The following LAMA2 variants were observed in gnomAD, a reference collection of about 807,000 sequenced individuals.
LAMA2 encodes the protein laminin subunit alpha-2.
A neutral mutation model predicts 364.8 loss-of-function variants in LAMA2; 269 were observed. The observed-to-expected ratio is 0.74, with a 90% CI of 0.67 to 0.82. LAMA2 has a LOEUF of 0.82. LAMA2 is among the 40% of genes least tolerant of loss of function. The probability of loss-of-function intolerance (pLI) is 0.00; values close to 1 mark genes in which losing one functional copy is unlikely to be tolerated. For missense variants in LAMA2, 3,807 were observed against 3,873.2 expected (o/e 0.98, Z 0.45); for synonymous variants, 1,379 against 1,370.6 (o/e 1.01, Z -0.14).
In LAMA2 at chr6:129,347,943, G is replaced by A. The variant is rs886382020; in HGVS notation, c.4437-1355G>A. On this transcript the variant is annotated intron_variant, in intron 30 of 64. Transcript: ENST00000421865. The stretch of plus-strand genomic sequence containing the variant: ...TGACATTTCATTATTTTACTATAAC[G>A]AAATGTAATTTAATCATACTGGCTC... Among the ~76,000 whole-genome samples the A allele has an allele frequency of 2.6e-5, 4 of 152,040 alleles. No individual in the cohort carries two copies. In the South Asian group the frequency reaches 6.2e-4, roughly 24 times the overall value.
At chr6:128,903,889 G>A (rs1208424883) in intron 1 of LAMA2, among the ~76,000 whole-genome samples, 1 of 152,166 alleles carries the variant, frequency 6.6e-6, no homozygotes, top group Non-Finnish European at 1.5e-5. Context: ...GTTTTAAGAG[G>A]CCTGCTGCTG....
chr6:129,365,347 T>G (rs1026055261), intron 32 of LAMA2, among the ~76,000 whole-genome samples: 2 of 152,116 alleles, frequency 1.3e-5, no homozygotes, highest in African/African-American at 4.8e-5. Context: ...AAAGAAAAGT[T>G]ATTTTTATTT....
intron 13 of LAMA2, among the ~76,000 whole-genome samples, 177 bp downstream of exon 13, chr6:129,250,390 T>C (rs958869616): frequency 2.0e-5 from 3 of 152,148 alleles, no homozygotes; most frequent in Admixed American, 6.5e-5. Context: ...TCTAGAAGAT[T>C]GAGTATATTT....
chr6:129,267,881 A>G (rs1210330859), intron 16 of LAMA2, among the ~76,000 whole-genome samples: 6 of 152,112 alleles, frequency 3.9e-5, no homozygotes, highest in African/African-American at 1.4e-4. Flanking sequence ...ATTCTGATTA[A>G]CTCAAGGGCA....
intron 12 of LAMA2, among the ~76,000 whole-genome samples, chr6:129,219,773 A>G (rs1159774424): frequency 1.5e-5 from 2 of 136,194 alleles, no homozygotes; most frequent in Non-Finnish European, 1.6e-5. Context: ...TGGGAATTGA[A>G]CAATGAGAAC....
intron 1 of LAMA2, among the ~76,000 whole-genome samples, chr6:129,021,721 G>A (rs1211381540): frequency 6.6e-6 from 1 of 152,134 alleles, no homozygotes; most frequent in African/African-American, 2.4e-5. Context: ...TGTCCTGCCT[G>A]GATAAGGACT....
In LAMA2 at chr6:129,453,028, C is replaced by T. The variant is rs1411280799; in HGVS notation, c.6470C>T (p.Thr2157Ile). The T allele has an allele frequency of 3.1e-6, 5 of 1,612,690 alleles. No individual in the cohort carries two copies. The East Asian group carries it at 8.9e-5, about 29-fold the overall frequency. Residue 2157 changes from threonine (T) to isoleucine (I), a missense_variant, in exon 46 of 65, where the codon ACA (threonine) becomes ATA (isoleucine). Physicochemically the swap from Thr to Ile is moderately conservative, Grantham distance 89. Transcript: ENST00000421865. The stretch of plus-strand genomic sequence containing the variant: ...TCTTCAGGAGGTGACTGCATTCGAA[C>T]ATACAAACCAGAAATCAAGAAAGGA... ...SVSSGGDCIR[T>I]YKPEIKKGSY...
intron 19 of LAMA2, 43 bp from the exon 20 acceptor site, chr6:129,291,571 A>G (rs376442081): frequency 7.3e-6 from 10 of 1,366,938 alleles, no homozygotes; most frequent in African/African-American, 2.9e-5. Context: ...TATTAAGACT[A>G]TTAGAAAGTT....
At chr6:129,306,340 G>GA (rs1773870049) in intron 22 of LAMA2, among the ~76,000 whole-genome samples, 1 of 81,710 alleles carries the variant, frequency 1.2e-5, no homozygotes, top group Admixed American at 1.3e-4. Context: ...TTTTGTTCCA[G>GA]AAAGGTGTTT....
chr6:129,173,133 T>A (rs953907060), intron 9 of LAMA2, among the ~76,000 whole-genome samples: 1 of 152,250 alleles, frequency 6.6e-6, no homozygotes, highest in African/African-American at 2.4e-5. Context: ...CACCGTCTTC[T>A]GCGTCGCTCA....
At chr6:129,474,896 G>C (rs1783991469) in intron 52 of LAMA2, among the ~76,000 whole-genome samples, 1 of 152,088 alleles carries the variant, frequency 6.6e-6, no homozygotes, top group South Asian at 2.1e-4. Context: ...AGCCATTAGA[G>C]GTATATTTGT....
At chr6:128,904,492 T>C (rs1335629641) in intron 1 of LAMA2, among the ~76,000 whole-genome samples, 4 of 150,066 alleles carry the variant, frequency 2.7e-5, no homozygotes, top group African/African-American at 9.9e-5. Context: ...TCTCACCCTG[T>C]TGCCCAGGCT....
chr6:128,911,950 A>G (rs558851901), intron 1 of LAMA2, among the ~76,000 whole-genome samples: 1 of 152,194 alleles, frequency 6.6e-6, no homozygotes, highest in South Asian at 2.1e-4. Flanking sequence ...TGTAAAAATC[A>G]TTCATGTTTT....
intron 12 of LAMA2, among the ~76,000 whole-genome samples, chr6:129,205,493 T>TAC (rs767013359): frequency 0.072 from 7,538 of 104,166 alleles, 324 homozygotes; most frequent in East Asian, 0.12. Flanking sequence ...TATATATATA[T>TAC]ACACACACAC....
At chr6:128,959,075 GTCTC>G (rs1357042736) in intron 1 of LAMA2, among the ~76,000 whole-genome samples, 5 of 152,118 alleles carry the variant, frequency 3.3e-5, no homozygotes, top group Non-Finnish European at 4.4e-5. Context: ...GGTGCACTGT[GTCTC>G]TCTTTTCTTT....
chr6:129,231,069 A>G (rs775272140), intron 12 of LAMA2, among the ~76,000 whole-genome samples: 6 of 152,106 alleles, frequency 3.9e-5, no homozygotes, highest in Non-Finnish European at 5.9e-5. Flanking sequence ...GGAACAGTAT[A>G]TAATCCTTGA....
chr6:129,197,729 A>G (rs961202602), intron 12 of LAMA2, among the ~76,000 whole-genome samples: 1 of 152,198 alleles, frequency 6.6e-6, no homozygotes, highest in Non-Finnish European at 1.5e-5. Flanking sequence ...CAAATTGTTA[A>G]GGATAAATGA....
chr6:129,067,262 C>A (rs1435247615), intron 3 of LAMA2, among the ~76,000 whole-genome samples: 2 of 140,992 alleles, frequency 1.4e-5, no homozygotes, highest in Non-Finnish European at 3.1e-5. Context: ...ACCTTAAGTA[C>A]AACAGAATAT....
chr6:129,073,045 C>T (rs1773421448), intron 3 of LAMA2, among the ~76,000 whole-genome samples: 1 of 152,044 alleles, frequency 6.6e-6, no homozygotes, highest in South Asian at 2.1e-4. Context: ...TGAAAGCCTG[C>T]TAGTGATAAA....
Sources: allele counts gnomAD v4.1 joint callset (sites outside exome capture counted in the v4.1 genomes callset), GRCh38; gene constraint gnomAD v4.1.1; transcripts MANE v1.5; gene names NCBI Gene and HGNC (gene_info 2026-07-23, HGNC 2026-07-21).